SEMA3A: variants seen among roughly 807,000 people sequenced by gnomAD.
The protein encoded by SEMA3A is semaphorin-3A.
SEMA3A carries 29 observed loss-of-function variants against 97.9 expected under a neutral mutation model. The ratio of observed to expected loss-of-function variants is 0.30; its 90% confidence interval spans 0.22 to 0.40. The LOEUF (loss-of-function observed/expected upper bound fraction) is 0.40, where lower values mean the gene tolerates loss of function less well. SEMA3A is among the 10% of genes least tolerant of loss of function. The probability of loss-of-function intolerance (pLI) is 1.00; values close to 1 mark genes in which losing one functional copy is unlikely to be tolerated. For synonymous variants in SEMA3A, 321 were observed against 323.7 expected, an observed-to-expected ratio of 0.99 and a Z score of 0.09; for missense variants, 763 against 951.3, an observed-to-expected ratio of 0.80 and a Z score of 2.60.
chr7:84,333,480 A>C (rs1326318479), intron 2 of SEMA3A, among the ~76,000 whole-genome samples: 3 of 152,102 alleles, frequency 2.0e-5, no homozygotes, highest in Non-Finnish European at 4.4e-5. Context: ...AAACAACACG[A>C]TGAGGTGAGG....
chr7:84,433,192 C>T (rs1392847376), intron 1 of SEMA3A, among the ~76,000 whole-genome samples: 3 of 151,888 alleles, frequency 2.0e-5, no homozygotes, highest in Non-Finnish European at 1.5e-5. Context: ...CCATCATTTA[C>T]ATTAGGTATT....
intron 15 of SEMA3A, among the ~76,000 whole-genome samples, chr7:83,963,562 T>G (rs542624076): frequency 1.1e-3 from 173 of 152,294 alleles, no homozygotes; most frequent in African/African-American, 4.1e-3. Flanking sequence ...ATATAAAACA[T>G]AGACGGAGAT....
At chr7:84,444,924 A>G (rs1458260036) in intron 1 of SEMA3A, among the ~76,000 whole-genome samples, 1 of 152,064 alleles carries the variant, frequency 6.6e-6, no homozygotes, top group Non-Finnish European at 1.5e-5. Context: ...CAGTGATTTC[A>G]TCTTTCTTCA....
chr7:84,361,948 T>G (rs938213382), intron 2 of SEMA3A, among the ~76,000 whole-genome samples: 4 of 152,016 alleles, frequency 2.6e-5, no homozygotes, highest in Non-Finnish European at 5.9e-5. Flanking sequence ...TTTTGAATTC[T>G]TGAAAACAGA....
At chr7:84,280,181 G>T (rs924010997) in intron 3 of SEMA3A, among the ~76,000 whole-genome samples, 2 of 152,242 alleles carry the variant, frequency 1.3e-5, no homozygotes, top group African/African-American at 4.8e-5. Flanking sequence ...ACAGATGTGA[G>T]ACACTGCACC....
rs112289367 is a variant in SEMA3A, at chr7:84,313,779, G to A, written c.-168-6487C>T. ...ATTGTACTTCTATAAGCCCTCTCAC[G>A]TAAGCTATTTGTTTTGTAATTCTGT... On this transcript the variant is annotated intron_variant, in intron 2 of 3. Coordinates refer to the SEMA3A transcript ENST00000424555. Among the ~76,000 whole-genome samples the A allele has an allele frequency of 8.6e-5, 13 of 152,008 alleles. 1 individual carries two copies. The highest frequency in any genetic ancestry group is 1.9e-4 in the East Asian group (1 of 5,178).
intron 1 of SEMA3A, among the ~76,000 whole-genome samples, chr7:84,393,074 T>C (rs1350100891): frequency 2.0e-5 from 3 of 152,200 alleles, no homozygotes; most frequent in African/African-American, 7.2e-5. Context: ...CTATTTTTGC[T>C]TTTGTTGCCT....
chr7:84,065,586 A>T (rs1793447486), intron 4 of SEMA3A, among the ~76,000 whole-genome samples: 1 of 149,490 alleles, frequency 6.7e-6, no homozygotes. Flanking sequence ...GATAAAGGGG[A>T]TATCACCACT....
chr7:83,997,662 TA>T (rs2116373723), intron 12 of SEMA3A, among the ~76,000 whole-genome samples: 1 of 152,264 alleles, frequency 6.6e-6, no homozygotes, highest in South Asian at 2.1e-4. Flanking sequence ...TCCAAAATTG[TA>T]AAGTCCTAAA....
intron 4 of SEMA3A, among the ~76,000 whole-genome samples, chr7:84,064,870 A>G (rs1373331827): frequency 6.6e-6 from 1 of 152,030 alleles, no homozygotes; most frequent in African/African-American, 2.4e-5. Context: ...ACGAGACAGA[A>G]AGTCAACAAG....
At chr7:84,454,360 A>G (rs1172541095) in intron 1 of SEMA3A, among the ~76,000 whole-genome samples, 2 of 152,174 alleles carry the variant, frequency 1.3e-5, no homozygotes, top group Admixed American at 1.3e-4. Context: ...GCCTTGTCCA[A>G]AGAGTTACTA....
At position 84,005,280 on chromosome 7, in the gene SEMA3A, C is replaced by T. The variant is rs192556851; in HGVS notation, c.1360+59G>A. Reference sequence around the variant, plus strand: ...AACCCCTGAGATGTTCAAAGATCAACTTAATCAGTTAAACATAGTGTTCGG... The same window carrying T: ...AACCCCTGAGATGTTCAAAGATCAATTTAATCAGTTAAACATAGTGTTCGG... On this transcript the variant is annotated intron_variant, in intron 11 of 16. Coordinates refer to ENST00000265362, the MANE Select transcript of SEMA3A (RefSeq NM_006080.3). 3 of 1,229,378 alleles carry T rather than the reference C, an allele frequency of 2.4e-6. No individual in the cohort carries two copies. The East Asian group carries it at 7.0e-5, about 29-fold the overall frequency. 76.2% of individuals were successfully genotyped at this position (1,229,378 alleles called of 1,614,324 possible).
intron 2 of SEMA3A, among the ~76,000 whole-genome samples, chr7:84,133,628 T>C (rs546016510): frequency 2.8e-4 from 43 of 152,284 alleles, no homozygotes; most frequent in African/African-American, 1.0e-3. Context: ...TAAAGACCTT[T>C]ATTCTTCAGA....
chr7:84,077,869 T>C (rs971794915), intron 4 of SEMA3A, among the ~76,000 whole-genome samples: 1 of 152,006 alleles, frequency 6.6e-6, no homozygotes, highest in Non-Finnish European at 1.5e-5. Flanking sequence ...AAGTTCATCA[T>C]GGTGAACTCA....
intron 1 of SEMA3A, among the ~76,000 whole-genome samples, chr7:84,151,709 C>G (rs1450036107): frequency 1.3e-5 from 2 of 152,062 alleles, no homozygotes; most frequent in Non-Finnish European, 2.9e-5. Flanking sequence ...TCTCATTAAA[C>G]TAAAGAGCTT....
chr7:84,355,919 G>GT (rs1315412270), intron 2 of SEMA3A, among the ~76,000 whole-genome samples: 4 of 148,560 alleles, frequency 2.7e-5, no homozygotes, highest in African/African-American at 5.1e-5. Flanking sequence ...TGATGAGCCC[G>GT]TGGCCTTCAT....
rs1309625012 is a variant in SEMA3A at position 84,312,899 on chromosome 7, TATATATATATATATATATATATACAC to T, written c.-168-5633_-168-5608del. Among the ~76,000 whole-genome samples, 77 of 62,858 alleles carry T rather than the reference TATATATATATATATATATATATACAC, an allele frequency of 1.2e-3. 5 individuals are homozygous for T. The South Asian group carries it at 0.014, about 12-fold the overall frequency. 41.2% of individuals were successfully genotyped at this position (62,858 alleles called of 152,430 possible). On this transcript the variant is annotated intron_variant, in intron 2 of 3. Transcript: ENST00000424555. Reference sequence around the variant, plus strand: ...ATATATATATATATATATATATATATATATATATATATATATATATATACACACACACACACACACACACGTACACA... The same window carrying T: ...ATATATATATATATATATATATATATACACACACACACACACACGTACACA...
At chr7:84,356,918 A>G (rs1277812336) in intron 2 of SEMA3A, among the ~76,000 whole-genome samples, 3 of 151,734 alleles carry the variant, frequency 2.0e-5, no homozygotes, top group Non-Finnish European at 4.4e-5. Flanking sequence ...CTATTTTGAA[A>G]ATATGCTAGG....
At chr7:84,413,365 T>A (rs1283796874) in intron 1 of SEMA3A, among the ~76,000 whole-genome samples, 3 of 152,124 alleles carry the variant, frequency 2.0e-5, no homozygotes, top group South Asian at 4.1e-4. Context: ...TGGTGCCTCA[T>A]ACCTGTAATC....
Sources: allele counts gnomAD v4.1 joint callset (sites outside exome capture counted in the v4.1 genomes callset), GRCh38; gene constraint gnomAD v4.1.1; transcripts MANE v1.5; gene names NCBI Gene and HGNC (gene_info 2026-07-23, HGNC 2026-07-21).